Variants in TMEM232 observed in about 807,000 individuals in gnomAD.
The protein encoded by TMEM232 is transmembrane protein 232.
In TMEM232, 80 loss-of-function variants were observed where a neutral mutation model predicts 78.8. The ratio of observed to expected loss-of-function variants is 1.01; its 90% CI spans 0.85 to 1.22. The LOEUF is 1.22. TMEM232 is among the 50% of genes most tolerant of loss of function. The pLI is 0.00. For missense variants in TMEM232, 881 were observed against 742.2 expected, an observed-to-expected ratio of 1.19 and a Z score of -2.17; for synonymous variants, 297 against 254.3, an observed-to-expected ratio of 1.17 and a Z score of -1.60.
intron 10 of TMEM232, among the ~76,000 whole-genome samples, chr5:110,599,436 C>T (rs1780618536): frequency 3.3e-5 from 5 of 152,074 alleles, no homozygotes; most frequent in Admixed American, 3.3e-4. Context: ...ATCTCACATG[C>T]AAAGACACAC....
At chr5:110,525,757 A>G (rs1190427061) in intron 12 of TMEM232, among the ~76,000 whole-genome samples, 1 of 151,552 alleles carries the variant, frequency 6.6e-6, no homozygotes, top group African/African-American at 2.4e-5. Context: ...ATATAGAACT[A>G]GCCCAATTAC....
chr5:110,717,326 C>T (rs1404475068), intron 1 of TMEM232, among the ~76,000 whole-genome samples: 1 of 152,114 alleles, frequency 6.6e-6, no homozygotes, highest in Non-Finnish European at 1.5e-5. Flanking sequence ...AATCCAAGAT[C>T]TGAATGAGTT....
intron 12 of TMEM232, among the ~76,000 whole-genome samples, chr5:110,502,011 G>A (rs940703990): frequency 6.6e-6 from 1 of 152,056 alleles, no homozygotes; most frequent in Non-Finnish European, 1.5e-5. Flanking sequence ...CAGAAATATT[G>A]TTATTTTGGG....
chr5:110,558,293 G>C (rs73222659), intron 11 of TMEM232, among the ~76,000 whole-genome samples: 6,355 of 152,160 alleles, frequency 0.042, 431 homozygotes, highest in African/African-American at 0.14. Context: ...TCAGGGCAGT[G>C]ATATGGCAAG....
chr5:110,738,858 T>G (rs1799497346), upstream of TMEM232: 4 of 735,998 alleles, frequency 5.4e-6, no homozygotes, highest in Non-Finnish European at 6.3e-6. Context: ...CACAACCATA[T>G]TCCCACCTAT....
At chr5:110,692,014 G>T (rs1794174550) in intron 1 of TMEM232, among the ~76,000 whole-genome samples, 1 of 152,088 alleles carries the variant, frequency 6.6e-6, no homozygotes. Context: ...CCCACCTCCT[G>T]GGTTCAAGCC....
At chr5:110,545,344 T>C (rs72771408) in intron 11 of TMEM232, among the ~76,000 whole-genome samples, 11,408 of 152,022 alleles carry the variant, frequency 0.075, 539 homozygotes, top group South Asian at 0.2. Context: ...ACATTATATA[T>C]ATGTATATAA....
intron 13 of TMEM232, among the ~76,000 whole-genome samples, chr5:110,421,373 G>A (rs1477970499): frequency 6.6e-6 from 1 of 151,582 alleles, no homozygotes; most frequent in Non-Finnish European, 1.5e-5. Flanking sequence ...ATAAGAATGA[G>A]TAACACGTAA....
intron 11 of TMEM232, among the ~76,000 whole-genome samples, chr5:110,536,628 T>C (rs1267665728): frequency 6.6e-6 from 1 of 152,194 alleles, no homozygotes; most frequent in Non-Finnish European, 1.5e-5. Flanking sequence ...CCTTCTTTTT[T>C]CATGCTAAAT....
upstream of TMEM232, among the ~76,000 whole-genome samples, chr5:110,728,645 TTTAA>T (rs1261057499): frequency 2.0e-5 from 3 of 151,356 alleles, no homozygotes; most frequent in Non-Finnish European, 4.4e-5. Flanking sequence ...CCTTTCTCCC[TTTAA>T]TTAGTCATCT....
At chr5:110,537,318 G>T (rs1307355890) in intron 11 of TMEM232, among the ~76,000 whole-genome samples, 1 of 150,996 alleles carries the variant, frequency 6.6e-6, no homozygotes, top group African/African-American at 2.4e-5. Flanking sequence ...ATGCTGTTTG[G>T]CCCAATTATG....
intron 12 of TMEM232, among the ~76,000 whole-genome samples, chr5:110,493,571 T>C (rs1765331232): frequency 6.6e-6 from 1 of 152,104 alleles, no homozygotes. Flanking sequence ...CATTGGCTGA[T>C]CAATGTGAAT....
chr5:110,463,481 C>T (rs1457030310), intron 12 of TMEM232, among the ~76,000 whole-genome samples: 8 of 152,120 alleles, frequency 5.3e-5, no homozygotes, highest in Non-Finnish European at 1.2e-4. Flanking sequence ...ATCCAACTTG[C>T]AATATCTCTG....
chr5:110,559,386 T>C (rs192675712), intron 11 of TMEM232, among the ~76,000 whole-genome samples: 182 of 152,214 alleles, frequency 1.2e-3, no homozygotes, highest in Non-Finnish European at 2.0e-3. Flanking sequence ...GAAATTAAAT[T>C]ATTAACAGCA....
At position 110,420,522 on chromosome 5, in the gene TMEM232, T is replaced by C. The variant is rs2112605432; in HGVS notation, c.*58A>G. The stretch of plus-strand genomic sequence containing the variant: ...TATGTAGCTATCTTGGTATTTTTCA[T>C]CCTATGTATTTCTGCCATGTAGTCC... On this transcript the variant is annotated 3_prime_UTR_variant, in exon 14 of 14. Transcript: ENST00000455884. 1.9e-6 allele frequency: 2 copies of C among 1,067,466 alleles called. No individual in the cohort carries two copies. Among genetic ancestry groups the C allele is most frequent in the Non-Finnish European group, 2.5e-6 (2 of 795,226 alleles). 66.1% of individuals were successfully genotyped at this position (1,067,466 alleles called of 1,614,324 possible). A position where few individuals can be genotyped will look rare whatever the true frequency, so the allele number is the denominator to read the frequency against.
chr5:110,403,651 T>A (rs1289075018), intron 2 of TMEM232, among the ~76,000 whole-genome samples: 1 of 152,012 alleles, frequency 6.6e-6, no homozygotes, highest in East Asian at 1.9e-4. Context: ...TAGAAACACA[T>A]AGGGATTTGG....
chr5:110,712,835 T>C (rs1196007988), intron 1 of TMEM232, among the ~76,000 whole-genome samples: 1 of 152,146 alleles, frequency 6.6e-6, no homozygotes, highest in Non-Finnish European at 1.5e-5. Flanking sequence ...ACAACTACTA[T>C]GGAGAACATT....
At chr5:110,454,411 G>C (rs965803111) in intron 12 of TMEM232, among the ~76,000 whole-genome samples, 1 of 152,076 alleles carries the variant, frequency 6.6e-6, no homozygotes, top group Non-Finnish European at 1.5e-5. Context: ...TGGAGCCTAG[G>C]AGTTCTGGGC....
intron 12 of TMEM232, among the ~76,000 whole-genome samples, chr5:110,494,838 A>C (rs1373276919): frequency 2.0e-5 from 3 of 151,928 alleles, no homozygotes; most frequent in Non-Finnish European, 4.4e-5. Context: ...AATCAAAAAT[A>C]ATTAGAACTT....
Sources: allele counts gnomAD v4.1 joint callset (sites outside exome capture counted in the v4.1 genomes callset), GRCh38; gene constraint gnomAD v4.1.1; transcripts MANE v1.5; gene names NCBI Gene and HGNC (gene_info 2026-07-23, HGNC 2026-07-21).